RBFOX1: variants seen among roughly 807,000 people sequenced by gnomAD.
The protein encoded by RBFOX1 is RNA binding fox-1 homolog 1.
A neutral mutation model predicts 57.7 loss-of-function variants in RBFOX1; 8 were observed. The ratio of observed to expected loss-of-function variants is 0.14; its 90% CI spans 0.08 to 0.25. The LOEUF is 0.25. Ranked by LOEUF, RBFOX1 falls within the 10% of genes least tolerant of loss-of-function variation. The pLI is 1.00. For missense variants in RBFOX1, 611 were observed against 548.5 expected (o/e 1.11, Z -1.14); for synonymous variants, 326 against 222.4 (o/e 1.47, Z -4.15).
chr16:6,890,216 A>G lies in RBFOX1; in HGVS notation c.-15-161841A>G, dbSNP rs759127894. 7.2e-5 allele frequency among the ~76,000 whole-genome samples: 11 copies of G among 152,268 alleles called. No homozygotes were observed. In the Middle Eastern group the frequency reaches 0.01, roughly 141 times the overall value. ...TGTAAGCCTTTTGGTACCCTAAAAT[A>G]TTGTTATGAAAACCTAAGGAGGGTG... is the stretch of plus-strand genomic sequence containing the variant. On this transcript the variant is annotated intron_variant, in intron 3 of 15. Transcript: ENST00000550418.
At chr16:7,364,877 G>C (rs887049596) in intron 4 of RBFOX1, among the ~76,000 whole-genome samples, 4 of 152,148 alleles carry the variant, frequency 2.6e-5, no homozygotes, top group African/African-American at 9.7e-5. Flanking sequence ...TCTGTAAAAG[G>C]ATATCAAGAT....
At chr16:7,252,132 T>G (rs1398614516) in intron 4 of RBFOX1, among the ~76,000 whole-genome samples, 1 of 152,200 alleles carries the variant, frequency 6.6e-6, no homozygotes, top group Non-Finnish European at 1.5e-5. Flanking sequence ...AGCTCAGAAT[T>G]GCAGGTAGAG....
intron 3 of RBFOX1, among the ~76,000 whole-genome samples, chr16:5,759,382 C>T (rs574717696): frequency 6.6e-5 from 10 of 152,200 alleles, no homozygotes; most frequent in South Asian, 4.1e-4. Flanking sequence ...TCCTCCTCCA[C>T]GTCTCTCACC....
At chr16:5,502,273 C>A (rs2043225539) in intron 2 of RBFOX1, among the ~76,000 whole-genome samples, 1 of 152,082 alleles carries the variant, frequency 6.6e-6, no homozygotes, top group Non-Finnish European at 1.5e-5. Context: ...TGCCTTTCAC[C>A]CCATGAAATG....
chr16:7,535,056 A>T (rs2081153506), intron 5 of RBFOX1, among the ~76,000 whole-genome samples: 1 of 152,238 alleles, frequency 6.6e-6, no homozygotes, highest in Non-Finnish European at 1.5e-5. Flanking sequence ...TAATAGGAGC[A>T]TAACTAACAT....
chr16:6,811,979 C>T (rs1403525979), intron 3 of RBFOX1, among the ~76,000 whole-genome samples: 3 of 152,150 alleles, frequency 2.0e-5, no homozygotes, highest in East Asian at 1.9e-4. Flanking sequence ...GATGTTGTTT[C>T]TCCTCAGCAT....
chr16:5,956,282 C>G (rs1597952847), intron 4 of RBFOX1, among the ~76,000 whole-genome samples: 2 of 151,936 alleles, frequency 1.3e-5, no homozygotes, highest in East Asian at 3.9e-4. Flanking sequence ...TCAAAATGAA[C>G]AAACAAACAA....
intron 1 of RBFOX1, among the ~76,000 whole-genome samples, chr16:6,170,794 G>A (rs1289585520): frequency 6.6e-6 from 1 of 151,934 alleles, no homozygotes; most frequent in African/African-American, 2.4e-5. Context: ...CCTTATCTGT[G>A]TCCCTGTGTT....
chr16:6,746,331 G>A (rs1002131307), intron 3 of RBFOX1, among the ~76,000 whole-genome samples: 1 of 152,044 alleles, frequency 6.6e-6, no homozygotes, highest in Non-Finnish European at 1.5e-5. Context: ...AAAACAATTT[G>A]GGAAGATGAA....
intron 3 of RBFOX1, among the ~76,000 whole-genome samples, chr16:6,772,542 AGTGTAT>A (rs949923809): frequency 9.1e-4 from 108 of 118,130 alleles, no homozygotes; most frequent in African/African-American, 3.3e-3. Context: ...CGCATTTGTG[AGTGTAT>A]GTGTATGTGT....
chr16:5,266,599 G>A (rs1266389804), intron 1 of RBFOX1, among the ~76,000 whole-genome samples: 1 of 149,834 alleles, frequency 6.7e-6, no homozygotes, highest in Admixed American at 6.7e-5. Flanking sequence ...CCAGGCTGGA[G>A]CACAGTGGCA....
At chr16:5,828,576 G>A (rs912572054) in intron 3 of RBFOX1, among the ~76,000 whole-genome samples, 2 of 152,164 alleles carry the variant, frequency 1.3e-5, no homozygotes, top group Non-Finnish European at 2.9e-5. Flanking sequence ...GTGCACGCCT[G>A]TAGTCCCAGC....
At chr16:6,073,582 A>G (rs563289296) in intron 1 of RBFOX1, among the ~76,000 whole-genome samples, 1 of 152,198 alleles carries the variant, frequency 6.6e-6, no homozygotes, top group African/African-American at 2.4e-5. Flanking sequence ...AACGTAATAC[A>G]CTTCCGTTTT....
chr16:7,453,982 C>G (rs2057954431), intron 4 of RBFOX1, among the ~76,000 whole-genome samples: 1 of 152,184 alleles, frequency 6.6e-6, no homozygotes. Context: ...CCTGAAATCT[C>G]AGCAGTTTGG....
intron 3 of RBFOX1, among the ~76,000 whole-genome samples, chr16:6,794,218 C>A (rs1005086791): frequency 6.7e-6 from 1 of 149,962 alleles, no homozygotes; most frequent in African/African-American, 2.4e-5. Context: ...AGGCTTGTGA[C>A]TTTTAGGTCC....
chr16:5,534,634 G>A (rs2044623361), intron 2 of RBFOX1, among the ~76,000 whole-genome samples: 1 of 152,106 alleles, frequency 6.6e-6, no homozygotes, highest in Non-Finnish European at 1.5e-5. Flanking sequence ...GCTTTTTTTA[G>A]CATGCTGGCA....
At chr16:6,018,891 T>G (rs1337585431), upstream of RBFOX1, among the ~76,000 whole-genome samples, 1 of 151,882 alleles carries the variant, frequency 6.6e-6, no homozygotes, top group African/African-American at 2.4e-5. Context: ...CTCTGTCCCC[T>G]TTAGGCCAGG....
intron 1 of RBFOX1, among the ~76,000 whole-genome samples, chr16:6,231,572 A>C (rs2097460518): frequency 6.6e-6 from 1 of 152,220 alleles, no homozygotes; most frequent in Non-Finnish European, 1.5e-5. Context: ...CTGCCTGTCC[A>C]GAATTTAGTT....
At chr16:5,955,809 T>C (rs996078292) in intron 4 of RBFOX1, among the ~76,000 whole-genome samples, 8 of 152,156 alleles carry the variant, frequency 5.3e-5, no homozygotes, top group African/African-American at 1.7e-4. Flanking sequence ...GCAAAGTCAC[T>C]CCCGGAAAAC....
Sources: gnomAD v4.1 joint callset for allele counts (sites outside exome capture counted in the v4.1 genomes callset) on GRCh38, gnomAD v4.1.1 for gene constraint, MANE v1.5 for transcripts, NCBI Gene and HGNC (gene_info 2026-07-23, HGNC 2026-07-21) for gene names.